Variants in NEURL1B observed in about 807,000 individuals in gnomAD.
NEURL1B encodes the protein E3 ubiquitin-protein ligase NEURL1B.
NEURL1B carries 13 observed loss-of-function variants against 37.4 expected under a neutral mutation model. That is an observed-to-expected ratio of 0.35 (90% confidence interval 0.23 to 0.55). NEURL1B has a LOEUF of 0.55. Ranked by LOEUF, NEURL1B falls within the 20% of genes least tolerant of loss-of-function variation. The probability of loss-of-function intolerance (pLI) is 0.89; values close to 1 mark genes in which losing one functional copy is unlikely to be tolerated. For missense variants in NEURL1B, 790 were observed against 879.2 expected (o/e 0.90, Z 1.28); for synonymous variants, 432 against 426.6 (o/e 1.01, Z -0.16).
In NEURL1B at chr5:172,670,100, A is replaced by T; in HGVS notation, c.347A>T (p.Lys116Met). 1.3e-6 allele frequency: 2 copies of T among 1,525,470 alleles called. No homozygotes were observed. The highest frequency in any genetic ancestry group is 1.2e-5 in the South Asian group (1 of 82,822). 94.5% of individuals were successfully genotyped at this position (1,525,470 alleles called of 1,614,324 possible). A position where few individuals can be genotyped will look rare whatever the true frequency, so the allele number is the denominator to read the frequency against. ...PSLMSAQDIP[K>M]YACPDLVTRP... ...CTCATGAGCGCCCAGGACATCCCCA[A>T]GTACGCCTGCCCGGACCTGGTCACG... Residue 116 changes from lysine to methionine, a missense_variant, in exon 2 of 5, where the codon AAG (lysine) becomes ATG (methionine). This residue lies in a region of NEURL1B where 215 missense variants were observed against 309.2 expected (regional missense o/e 0.70). Transcript: ENST00000369800.
In NEURL1B at chr5:172,647,558, C is replaced by A. The variant is rs1021446281; in HGVS notation, c.31+6121C>A. On this transcript the variant is annotated intron_variant, in intron 1 of 4. Coordinates refer to ENST00000369800, the MANE Select transcript of NEURL1B (RefSeq NM_001142651.3). The surrounding 1 kb of genome is among the most constrained non-coding windows in gnomAD (Gnocchi z 4.2). ...GGGCACTGCACCCTGGGGCCTCTTGCGGCTCCTCTTGCTGACTTGCTGCTG... is the reference window on the plus strand; with the variant it reads ...GGGCACTGCACCCTGGGGCCTCTTGAGGCTCCTCTTGCTGACTTGCTGCTG... Among the ~76,000 whole-genome samples the A allele has an allele frequency of 6.6e-6, 1 of 152,060 alleles. No individual in the cohort carries two copies. The highest frequency in any genetic ancestry group is 2.4e-5 in the African/African-American group (1 of 41,392).
At chr5:172,673,577 A>G (rs1758171927) in intron 2 of NEURL1B, among the ~76,000 whole-genome samples, 3 of 152,142 alleles carry the variant, frequency 2.0e-5, no homozygotes, top group Admixed American at 2.0e-4. Context: ...ACCCAGTTAC[A>G]TTGGAATTTC....
chr5:172,651,436 A>T lies in NEURL1B; in HGVS notation c.31+9999A>T, dbSNP rs181988326. Among the ~76,000 whole-genome samples, 3 of 152,342 alleles carry T rather than the reference A, an allele frequency of 2.0e-5. No homozygotes were observed. In the East Asian group the frequency reaches 5.8e-4, roughly 29 times the overall value. On this transcript the variant is annotated intron_variant, in intron 1 of 4. Transcript: ENST00000369800. ...CATTTACTGAATTACTTTTTTAGCCATCCTATAAAGGGGTCATTTACCCGA... is the reference window on the plus strand; with the variant it reads ...CATTTACTGAATTACTTTTTTAGCCTTCCTATAAAGGGGTCATTTACCCGA...
rs1270698152 is a variant in NEURL1B, at chr5:172,673,883, A to T, written c.577+3553A>T. On this transcript the variant is annotated intron_variant, in intron 2 of 4. Transcript: ENST00000369800. ...GCTACACGCGGTGGCTCACATCTGT[A>T]ATCCCAGCACTTTGGGAGGCCGAGG... 2.0e-5 allele frequency among the ~76,000 whole-genome samples: 3 copies of T among 151,694 alleles called. No individual in the cohort carries two copies. The East Asian group carries it at 5.8e-4, about 29-fold the overall frequency.
chr5:172,685,952 C>A (rs1160915439), intron 3 of NEURL1B, among the ~76,000 whole-genome samples: 1 of 152,134 alleles, frequency 6.6e-6, no homozygotes, highest in African/African-American at 2.4e-5. Context: ...AAAGAACATC[C>A]CAGGGCTGTT....
Position 172,665,433 on chromosome 5 carries a change from C to G in NEURL1B, c.32-4352C>G, listed in dbSNP as rs567840680. On this transcript the variant is annotated intron_variant, in intron 1 of 4. Coordinates refer to ENST00000369800, the MANE Select transcript of NEURL1B (RefSeq NM_001142651.3). This position sits in a 1 kb window ranked among gnomAD's most constrained non-coding sequence, Gnocchi z 4.1. ...GTTCTAGAGATGGCCCACAGCCTGACTCTGCGTCCACCCTCCTTGCTGCCC... is the reference window on the plus strand; with the variant it reads ...GTTCTAGAGATGGCCCACAGCCTGAGTCTGCGTCCACCCTCCTTGCTGCCC... 9.9e-4 allele frequency among the ~76,000 whole-genome samples: 151 copies of G among 152,350 alleles called. No homozygotes were observed. The highest frequency in any genetic ancestry group is 3.6e-3 in the African/African-American group (148 of 41,584).
intron 3 of NEURL1B, among the ~76,000 whole-genome samples, chr5:172,685,842 G>T (rs1202043199): frequency 6.6e-6 from 1 of 152,334 alleles, no homozygotes; most frequent in African/African-American, 2.4e-5. Flanking sequence ...CCTTACGGGG[G>T]TTATGTGCCC....
Position 172,686,277 on chromosome 5 carries a change from G to T in NEURL1B, c.1404G>T (p.Ser468=). 6.4e-7 allele frequency: 1 copy of T among 1,551,650 alleles called. No individual in the cohort carries two copies. The highest frequency in any genetic ancestry group is 8.7e-7 in the Non-Finnish European group (1 of 1,146,980). Residue 468 remains serine (S), a synonymous_variant, in exon 4 of 5, where the codon TCG becomes TCT. Coordinates refer to ENST00000369800, the MANE Select transcript of NEURL1B (RefSeq NM_001142651.3). The surrounding 1 kb of genome is among the most constrained non-coding windows in gnomAD (Gnocchi z 7.9). ...CCTTCAGTGTCAACCAGTCCTCCTC[G>T]GCATCTGAGTCATCCCTGGGTAAGG... ...DMTFSVNQSS[S]ASESSLVTAP...
At chr5:172,671,769 T>G (rs1758133627) in intron 2 of NEURL1B, among the ~76,000 whole-genome samples, 1 of 152,268 alleles carries the variant, frequency 6.6e-6, no homozygotes, top group Non-Finnish European at 1.5e-5. Context: ...CCTGGGATTC[T>G]TGATCCTCTA....
chr5:172,662,274 C>T (rs145498342), intron 1 of NEURL1B: 101 of 154,254 alleles, frequency 6.5e-4, no homozygotes, highest in African/African-American at 1.4e-3. Context: ...AAGTTAAGTA[C>T]GGACCTCAAG....
intron 1 of NEURL1B, among the ~76,000 whole-genome samples, chr5:172,659,801 A>C (rs1195885740): frequency 6.6e-6 from 1 of 151,840 alleles, no homozygotes; most frequent in African/African-American, 2.4e-5. Context: ...GCTGATTCTC[A>C]TCTCCAGGCC....
At position 172,677,846 on chromosome 5, in the gene NEURL1B, C is replaced by G. The variant is rs930150676; in HGVS notation, c.578-5573C>G. ...AAAACACCCTCCATCAGCCCCCTCA[C>G]CAGCCACAGTCCTGTCTCTCTGCCC... is the stretch of plus-strand genomic sequence containing the variant. On this transcript the variant is annotated intron_variant, in intron 2 of 4. Coordinates refer to ENST00000369800, the MANE Select transcript of NEURL1B (RefSeq NM_001142651.3). Among the ~76,000 whole-genome samples the G allele has an allele frequency of 2.2e-4, 33 of 152,214 alleles. 1 individual carries two copies. The highest frequency in any genetic ancestry group is 2.0e-3 in the Admixed American group (31 of 15,290).
At chr5:172,662,652 A>C (rs1205336106) in intron 1 of NEURL1B, among the ~76,000 whole-genome samples, 1 of 152,194 alleles carries the variant, frequency 6.6e-6, no homozygotes, top group African/African-American at 2.4e-5. Context: ...CAGACAAATC[A>C]GTAGCAAAGC....
rs1402188089 is a variant in NEURL1B at position 172,690,652 on chromosome 5, C to G, written c.*3727C>G. ...GAATCCACTGGGCTCTCTTGGCCAT[C>G]CGCTGCCTTGGGTCTGTTGAGGTGG... On this transcript the variant is annotated 3_prime_UTR_variant, in exon 5 of 5. Coordinates refer to ENST00000369800, the MANE Select transcript of NEURL1B (RefSeq NM_001142651.3). 1.3e-5 allele frequency: 2 copies of G among 152,222 alleles called. No individual in the cohort carries two copies. The highest frequency in any genetic ancestry group is 2.9e-5 in the Non-Finnish European group (2 of 68,072). The allele number at this position is 152,222 out of a possible 1,614,324, so 9.4% of individuals were successfully genotyped here. A position where few individuals can be genotyped will look rare whatever the true frequency, so the allele number is the denominator to read the frequency against.
chr5:172,664,190 A>G (rs1375766098), intron 1 of NEURL1B, among the ~76,000 whole-genome samples: 1 of 152,150 alleles, frequency 6.6e-6, no homozygotes, highest in Admixed American at 6.5e-5. Context: ...AAGTTAGGAC[A>G]GGGGGAAAAA....
Position 172,670,137 on chromosome 5 carries a change from C to T in NEURL1B, c.384C>T (p.Tyr128=). The T allele has an allele frequency of 6.6e-7, 1 of 1,513,200 alleles. No individual in the cohort carries two copies. The highest frequency in any genetic ancestry group is 8.8e-7 in the Non-Finnish European group (1 of 1,137,242). 93.7% of individuals were successfully genotyped at this position (1,513,200 alleles called of 1,614,324 possible). A position where few individuals can be genotyped will look rare whatever the true frequency, so the allele number is the denominator to read the frequency against. Residue 128 remains tyrosine (Y), a synonymous_variant, in exon 2 of 5, where the codon TAC becomes TAT. Transcript: ENST00000369800. The part of the protein sequence containing the change: ...ACPDLVTRPG[Y]WAKALPENLA... Reference sequence around the variant, plus strand: ...CGGACCTGGTCACGCGGCCGGGCTACTGGGCCAAGGCACTGCCCGAGAACC... The same window carrying T: ...CGGACCTGGTCACGCGGCCGGGCTATTGGGCCAAGGCACTGCCCGAGAACC...
At chr5:172,685,815 C>T (rs1393633354) in intron 3 of NEURL1B, among the ~76,000 whole-genome samples, 1 of 152,186 alleles carries the variant, frequency 6.6e-6, no homozygotes, top group Non-Finnish European at 1.5e-5. Flanking sequence ...GTAAAAGTTG[C>T]AGAATTGGGT....
intron 1 of NEURL1B, among the ~76,000 whole-genome samples, chr5:172,642,370 G>A (rs1757480990): frequency 1.3e-5 from 2 of 152,172 alleles, no homozygotes; most frequent in South Asian, 2.1e-4. Flanking sequence ...CCCCTCACAC[G>A]CCCAAGTATT....
intron 1 of NEURL1B, among the ~76,000 whole-genome samples, chr5:172,642,953 G>T (rs560852947): frequency 6.6e-6 from 1 of 152,362 alleles, no homozygotes; most frequent in South Asian, 2.1e-4. Flanking sequence ...CCTCGGCACA[G>T]GCCCCTTTCC....
Sources: allele counts gnomAD v4.1 joint callset (sites outside exome capture counted in the v4.1 genomes callset), GRCh38; gene constraint gnomAD v4.1.1; regional missense constraint gnomAD v4.1.1; non-coding constraint Gnocchi (gnomAD v3.1); transcripts MANE v1.5; gene names NCBI Gene and HGNC (gene_info 2026-07-23, HGNC 2026-07-21).